The following SLC9A3 variants were observed in gnomAD, a reference collection of about 807,000 sequenced individuals.
SLC9A3 encodes the protein solute carrier family 9 member A3.
SLC9A3 carries 37 observed loss-of-function variants against 86.8 expected under a neutral mutation model. The ratio of observed to expected loss-of-function variants is 0.43; its 90% CI spans 0.33 to 0.56. SLC9A3 has a LOEUF of 0.56. Ranked by LOEUF, SLC9A3 falls within the 20% of genes least tolerant of loss-of-function variation. SLC9A3 has a pLI of 0.06. For synonymous variants in SLC9A3, 581 were observed against 528.3 expected, an observed-to-expected ratio of 1.10 and a Z score of -1.37; for missense variants, 1,011 against 1,171.9, an observed-to-expected ratio of 0.86 and a Z score of 2.00.
At chr5:494,835 G>T (rs549750761) in intron 1 of SLC9A3, among the ~76,000 whole-genome samples, 4 of 152,176 alleles carry the variant, frequency 2.6e-5, no homozygotes, top group Non-Finnish European at 5.9e-5. Flanking sequence ...CTGCCCAGCC[G>T]CTGGCAAGAC....
In SLC9A3 at chr5:495,097, G is replaced by A. The variant is rs548846083; in HGVS notation, c.212-3026C>T. ...ACAGAGACCGCGTGTCCCCAGGTGGGGGGGCGCCGTGGCCGCAGGTCAGAC... is the reference window on the plus strand; with the variant it reads ...ACAGAGACCGCGTGTCCCCAGGTGGAGGGGCGCCGTGGCCGCAGGTCAGAC... On this transcript the variant is annotated intron_variant, in intron 1 of 16. Coordinates refer to ENST00000264938, the MANE Select transcript of SLC9A3 (RefSeq NM_004174.4). 5.3e-5 allele frequency among the ~76,000 whole-genome samples: 7 copies of A among 131,208 alleles called. No individual in the cohort carries two copies. The South Asian group carries it at 6.4e-4, about 12-fold the overall frequency. 86.1% of individuals were successfully genotyped at this position (131,208 alleles called of 152,430 possible).
chr5:504,568 GGCTCACGGCCCC>G (rs1207919483), intron 1 of SLC9A3, among the ~76,000 whole-genome samples: 6 of 152,214 alleles, frequency 3.9e-5, no homozygotes, highest in African/African-American at 1.4e-4. Flanking sequence ...AGGCTCCCCG[GGCTCACGGCCCC>G]GCTGCCTCCT....
intron 15 of SLC9A3, 117 bp from the exon 16 acceptor site, chr5:475,249 A>C: frequency 9.5e-7 from 1 of 1,052,380 alleles, no homozygotes; most frequent in South Asian, 1.6e-5. Context: ...CGGGAAGGTT[A>C]GGGTCACGTG....
intron 1 of SLC9A3, among the ~76,000 whole-genome samples, chr5:515,346 C>T (rs1733698664): frequency 6.6e-6 from 1 of 152,094 alleles, no homozygotes; most frequent in African/African-American, 2.4e-5. Flanking sequence ...GGACGGTGCA[C>T]ACACGGGAAC....
intron 1 of SLC9A3, among the ~76,000 whole-genome samples, chr5:522,082 C>T (rs1319120349): frequency 1.4e-5 from 2 of 144,330 alleles, no homozygotes; most frequent in Non-Finnish European, 3.0e-5. Context: ...TGTGGGATAC[C>T]GCGATGAGCT....
At chr5:498,310 C>T (rs1460262979) in intron 1 of SLC9A3, among the ~76,000 whole-genome samples, 7 of 152,162 alleles carry the variant, frequency 4.6e-5, no homozygotes, top group Non-Finnish European at 8.8e-5. Flanking sequence ...GTGTGAGGTA[C>T]GGGCGGGACT....
intron 1 of SLC9A3, among the ~76,000 whole-genome samples, chr5:503,577 G>C (rs1740405671): frequency 6.6e-6 from 1 of 152,204 alleles, no homozygotes; most frequent in African/African-American, 2.4e-5. Flanking sequence ...GGAGAATGGG[G>C]CGGGGAAACC....
Position 482,718 on chromosome 5 carries a change from A to G in SLC9A3, c.1186T>C (p.Tyr396His). Residue 396 changes from tyrosine (Y) to histidine (H), a missense_variant, in exon 7 of 17, where the codon TAC becomes CAC. Coordinates refer to ENST00000264938, the MANE Select transcript of SLC9A3 (RefSeq NM_004174.4). ...ATGGGCTCCAGCTGCACCATGCGGTAGCGGTTCAGAAGCCAGGTCTGCAGG... is the reference window on the plus strand; with the variant it reads ...ATGGGCTCCAGCTGCACCATGCGGTGGCGGTTCAGAAGCCAGGTCTGCAGG... ...VVLQTWLLNR[Y>H]RMVQLEPIDQ... 6.2e-7 allele frequency: 1 copy of G among 1,610,352 alleles called. No individual in the cohort carries two copies. The highest frequency in any genetic ancestry group is 2.2e-5 in the East Asian group (1 of 44,754).
chr5:504,469 G>A (rs1424916221), intron 1 of SLC9A3, among the ~76,000 whole-genome samples: 9 of 152,210 alleles, frequency 5.9e-5, no homozygotes, highest in Non-Finnish European at 1.2e-4. Context: ...CCTCGGGAGA[G>A]AACTCCACAG....
At position 476,203 on chromosome 5, in the gene SLC9A3, C is replaced by A; in HGVS notation, c.2066G>T (p.Arg689Leu). The stretch of plus-strand genomic sequence containing the variant: ...AGCCTCCTGGTGACCCAGCCTTACC[C>A]GCTTCTGGGCACGCTCCCGCTTGTA... ...KLYKRERAQK[R>L]RNSSIPNGKL... The change falls in exon 13 of 17, where the codon CGG (arginine) becomes CTG (leucine). Residue 689 changes from arginine (R) to leucine (L), a missense_variant and splice_region_variant. Arg to Leu is a moderately radical substitution (Grantham distance 102). Transcript: ENST00000264938. 1 of 1,613,618 alleles carries A rather than the reference C, an allele frequency of 6.2e-7. No homozygotes were observed. The highest frequency in any genetic ancestry group is 8.5e-7 in the Non-Finnish European group (1 of 1,179,890).
chr5:519,423 C>T (rs1452640966), intron 1 of SLC9A3, among the ~76,000 whole-genome samples: 1 of 152,190 alleles, frequency 6.6e-6, no homozygotes, highest in African/African-American at 2.4e-5. Flanking sequence ...GACCAGAGCA[C>T]ATGCAATAAA....
At chr5:486,929 GACACCCACCGCACTGACACCCACCA>G (rs1739505702) in intron 3 of SLC9A3, among the ~76,000 whole-genome samples, 1 of 110,854 alleles carries the variant, frequency 9.0e-6, no homozygotes, top group Non-Finnish European at 2.1e-5. Context: ...CCACCACACT[GACACCCACCGCACTGACACCCACCA>G]CACTGACACC....
chr5:504,900 GGACGCCTGTGCCTGGAAGAGCAGCA>G (rs66727403), intron 1 of SLC9A3, among the ~76,000 whole-genome samples: 18,761 of 151,852 alleles, frequency 0.12, 1,235 homozygotes, highest in Admixed American at 0.17. Flanking sequence ...TCCCAGACCC[GGACGCCTGTGCCTGGAAGAGCAGCA>G]GACGCCTGCA....
At chr5:481,530 T>C in intron 9 of SLC9A3, 35 bp downstream of exon 9, 1 of 1,552,754 alleles carries the variant, frequency 6.4e-7, no homozygotes, top group Non-Finnish European at 8.9e-7. Flanking sequence ...GAAGCCGGGC[T>C]GTGCGACACC....
chr5:521,298 C>A (rs1391832641), intron 1 of SLC9A3, among the ~76,000 whole-genome samples: 1 of 152,246 alleles, frequency 6.6e-6, no homozygotes, highest in Non-Finnish European at 1.5e-5. Flanking sequence ...GGCTCCTGGG[C>A]CACCTGCTGA....
intron 1 of SLC9A3, among the ~76,000 whole-genome samples, chr5:494,916 A>T (rs1739951929): frequency 6.6e-6 from 1 of 151,940 alleles, no homozygotes; most frequent in Non-Finnish European, 1.5e-5. Context: ...TGGCTCCTGG[A>T]GGGGTAATCG....
Position 491,757 on chromosome 5 carries a change from G to T in SLC9A3, c.514+12C>A. The T allele has an allele frequency of 6.6e-7, 1 of 1,514,448 alleles. No homozygotes were observed. The allele number at this position is 1,514,448 out of a possible 1,614,324, so 93.8% of individuals were successfully genotyped here. A position where few individuals can be genotyped will look rare whatever the true frequency, so the allele number is the denominator to read the frequency against. ...CCTGATCCCGGCCGGGGCAACAGTG[G>T]CGCAGACTCACCCATGAGCCCACTG... On this transcript the variant is annotated intron_variant, in intron 2 of 16. Coordinates refer to ENST00000264938, the MANE Select transcript of SLC9A3 (RefSeq NM_004174.4). This position sits in a 1 kb window ranked among gnomAD's most constrained non-coding sequence, Gnocchi z 9.2.
chr5:504,851 G>A (rs72702737), intron 1 of SLC9A3, among the ~76,000 whole-genome samples: 8,354 of 152,230 alleles, frequency 0.055, 328 homozygotes, highest in Non-Finnish European at 0.086. Context: ...TGGTTGAGTG[G>A]CATACAGCGG....
At chr5:474,014 G>C (rs1738552787) in intron 16 of SLC9A3, among the ~76,000 whole-genome samples, 2 of 152,246 alleles carry the variant, frequency 1.3e-5, no homozygotes, top group South Asian at 2.1e-4. Context: ...CAGCAGAGAC[G>C]CCAGAGTATC....
Sources: gnomAD v4.1 joint callset for allele counts (sites outside exome capture counted in the v4.1 genomes callset) on GRCh38, gnomAD v4.1.1 for gene constraint, Gnocchi (gnomAD v3.1) non-coding constraint, MANE v1.5 for transcripts, NCBI Gene and HGNC (gene_info 2026-07-23, HGNC 2026-07-21) for gene names.